The following AMBRA1 variants were observed in gnomAD, a reference collection of about 807,000 sequenced individuals.
The protein encoded by AMBRA1 is autophagy and beclin 1 regulator 1.
In AMBRA1, 47 loss-of-function variants were observed where a neutral mutation model predicts 125.4. The ratio of observed to expected loss-of-function variants is 0.37; its 90% CI spans 0.30 to 0.48. AMBRA1 has a LOEUF of 0.48. Ranked by LOEUF, AMBRA1 falls within the 20% of genes least tolerant of loss-of-function variation. The pLI, the probability that AMBRA1 is intolerant of heterozygous loss-of-function variation, is 0.99. For missense variants in AMBRA1, 1,331 were observed against 1,693.4 expected (o/e 0.79, Z 3.76); for synonymous variants, 626 against 655.5 (o/e 0.95, Z 0.69).
chr11:46,543,108 C>G lies in AMBRA1; in HGVS notation c.909G>C (p.Gln303His). The G allele has an allele frequency of 6.3e-7, 1 of 1,580,114 alleles. No homozygotes were observed. The highest frequency in any genetic ancestry group is 8.5e-7 in the Non-Finnish European group (1 of 1,169,826). Reference sequence around the variant, plus strand: ...TGCAAAGGCACAGGATCCCAAGGTGCTGGCAGCACTCAGCTGTGGGGTAAC... The same window carrying G: ...TGCAAAGGCACAGGATCCCAAGGTGGTGGCAGCACTCAGCTGTGGGGTAAC... ...RVSYPTAECC[Q>H]HLGILCLCSR... Residue 303 changes from glutamine (Q) to histidine (H), a missense_variant, in exon 7 of 18, where the codon CAG becomes CAC. Gln to His is a conservative substitution (Grantham distance 24, BLOSUM62 0). Coordinates refer to ENST00000683756, the MANE Select transcript of AMBRA1 (RefSeq NM_001387011.1).
chr11:46,505,047 G>A (rs1406914303), intron 9 of AMBRA1, among the ~76,000 whole-genome samples: 1 of 152,140 alleles, frequency 6.6e-6, no homozygotes, highest in African/African-American at 2.4e-5. Flanking sequence ...GGTAGCAAAG[G>A]CAAGAGCATG....
chr11:46,446,326 AG>A (rs1364866351), intron 11 of AMBRA1, among the ~76,000 whole-genome samples: 1 of 152,228 alleles, frequency 6.6e-6, no homozygotes, highest in Non-Finnish European at 1.5e-5. Flanking sequence ...AGGAGGAAAA[AG>A]CCTGATGTTA....
intron 1 of AMBRA1, among the ~76,000 whole-genome samples, chr11:46,550,174 C>CTA (rs909657214): frequency 6.6e-6 from 1 of 152,216 alleles, no homozygotes; most frequent in African/African-American, 2.4e-5. Context: ...GCCTTACATC[C>CTA]TAGACTCAAC....
At chr11:46,519,149 G>A (rs911458641) in intron 7 of AMBRA1, among the ~76,000 whole-genome samples, 1 of 152,044 alleles carries the variant, frequency 6.6e-6, no homozygotes, top group Non-Finnish European at 1.5e-5. Context: ...TCAGCCTCCC[G>A]AGTAGCTGGG....
Position 46,543,384 on chromosome 11 carries a change from T to C in AMBRA1, c.633A>G (p.Pro211=). The change falls in exon 7 of 18, where the codon CCA becomes CCG. Residue 211 remains proline, a synonymous_variant. Transcript: ENST00000683756. The part of the protein sequence containing the change: ...NPSNQQGDDE[P]EIPIDGTELS... ...ATTCTGTTCCATCTATGGGGATCTC[T>C]GGTTCGTCATCACCCTGCAACGTGG... The C allele has an allele frequency of 6.2e-7, 1 of 1,613,760 alleles. No homozygotes were observed. Among genetic ancestry groups the C allele is most frequent in the South Asian group, 1.1e-5 (1 of 91,072 alleles).
intron 9 of AMBRA1, among the ~76,000 whole-genome samples, chr11:46,495,803 A>G (rs1263293947): frequency 6.6e-6 from 1 of 152,228 alleles, no homozygotes; most frequent in African/African-American, 2.4e-5. Flanking sequence ...TAAAAGTACA[A>G]TTGAATTCAT....
chr11:46,465,000 C>T (rs1371019193), intron 11 of AMBRA1, among the ~76,000 whole-genome samples: 3 of 151,940 alleles, frequency 2.0e-5, no homozygotes, highest in East Asian at 1.9e-4. Context: ...GCTGCGATCG[C>T]GCCACCGCAC....
chr11:46,507,981 G>A (rs754124723), intron 9 of AMBRA1, among the ~76,000 whole-genome samples: 49 of 152,162 alleles, frequency 3.2e-4, no homozygotes, highest in Admixed American at 2.2e-3. Flanking sequence ...CTCTGTCCTC[G>A]CGCGCCAGTG....
chr11:46,496,975 G>T (rs1950654149), intron 9 of AMBRA1, among the ~76,000 whole-genome samples: 1 of 151,966 alleles, frequency 6.6e-6, no homozygotes, highest in Non-Finnish European at 1.5e-5. Context: ...AGCCAGACGT[G>T]ATGGCGAGCG....
intron 15 of AMBRA1, among the ~76,000 whole-genome samples, chr11:46,412,123 G>A (rs1188447755): frequency 6.6e-6 from 1 of 152,186 alleles, no homozygotes; most frequent in South Asian, 2.1e-4. Context: ...TCTTTAAAAA[G>A]CAGTACAGTT....
At chr11:46,516,298 G>A (rs1010068970) in intron 7 of AMBRA1, among the ~76,000 whole-genome samples, 3 of 151,868 alleles carry the variant, frequency 2.0e-5, no homozygotes, top group South Asian at 4.2e-4. Flanking sequence ...GTTACAATAC[G>A]AGTACTATCT....
chr11:46,507,982 C>T (rs1190261569), intron 9 of AMBRA1, among the ~76,000 whole-genome samples: 1 of 152,230 alleles, frequency 6.6e-6, no homozygotes, highest in Non-Finnish European at 1.5e-5. Context: ...TCTGTCCTCG[C>T]GCGCCAGTGA....
At chr11:46,587,379 CA>C (rs913121286) in intron 1 of AMBRA1, among the ~76,000 whole-genome samples, 21 of 149,370 alleles carry the variant, frequency 1.4e-4, no homozygotes, top group African/African-American at 3.9e-4. Flanking sequence ...GACCCTGCCA[CA>C]AAAAAAAAGT....
intron 17 of AMBRA1, among the ~76,000 whole-genome samples, chr11:46,402,279 C>A (rs1031483014): frequency 6.6e-6 from 1 of 152,220 alleles, no homozygotes; most frequent in African/African-American, 2.4e-5. Flanking sequence ...AATAAAAGGG[C>A]TCCCAGGCTC....
At chr11:46,565,882 C>G (rs971935252) in intron 1 of AMBRA1, among the ~76,000 whole-genome samples, 10 of 151,994 alleles carry the variant, frequency 6.6e-5, no homozygotes, top group Non-Finnish European at 1.5e-4. Flanking sequence ...AAGTGATCCT[C>G]CCACCTCAGC....
chr11:46,493,775 C>T, intron 10 of AMBRA1, 67 bp from the exon 11 acceptor site: 1 of 1,310,856 alleles, frequency 7.6e-7, no homozygotes, highest in South Asian at 1.4e-5. Flanking sequence ...TAACTACCTA[C>T]ACTGAAAAAT....
intron 14 of AMBRA1, chr11:46,429,199 G>A (rs1947327006): frequency 1.4e-6 from 2 of 1,446,486 alleles, no homozygotes; most frequent in African/African-American, 1.4e-5. Flanking sequence ...CTCTCCCTCG[G>A]ACAATCTTCG....
chr11:46,493,311 A>G (rs1004129542), intron 11 of AMBRA1, among the ~76,000 whole-genome samples: 2 of 152,234 alleles, frequency 1.3e-5, no homozygotes, highest in African/African-American at 4.8e-5. Context: ...TTTATCATTC[A>G]ATTAAAAGCA....
intron 14 of AMBRA1, among the ~76,000 whole-genome samples, chr11:46,431,353 C>T (rs749732849): frequency 6.6e-6 from 1 of 152,202 alleles, no homozygotes; most frequent in South Asian, 2.1e-4. Flanking sequence ...TGGCTAGCTG[C>T]CTTGAGACCC....
Sources: allele counts gnomAD v4.1 joint callset (sites outside exome capture counted in the v4.1 genomes callset), GRCh38; gene constraint gnomAD v4.1.1; transcripts MANE v1.5; gene names NCBI Gene and HGNC (gene_info 2026-07-23, HGNC 2026-07-21).